ASAH2B: variants seen among roughly 807,000 people sequenced by gnomAD.
ASAH2B encodes N-acylsphingosine amidohydrolase 2B.
A neutral mutation model predicts 2.9 loss-of-function variants in ASAH2B; 1 was observed. The observed-to-expected ratio is 0.34, with a 90% confidence interval of 0.12 to 1.63. ASAH2B has a LOEUF of 1.63. Ranked by LOEUF, ASAH2B falls within the 40% of genes most tolerant of loss-of-function variation. The pLI is 0.36. For missense variants in ASAH2B, 9 were observed against 37.7 expected (o/e 0.24, Z 1.99); for synonymous variants, 4 against 13.3 (o/e 0.30, Z 1.52).
rs1310756424 is a variant in ASAH2B, at chr10:50,755,730, A to G, written c.*990A>G. The G allele has an allele frequency of 6.7e-6, 1 of 149,504 alleles. No homozygotes were observed. Among genetic ancestry groups the G allele is most frequent in the Non-Finnish European group, 1.5e-5 (1 of 66,922 alleles). 9.3% of individuals were successfully genotyped at this position (149,504 alleles called of 1,614,324 possible). A position where few individuals can be genotyped will look rare whatever the true frequency, so the allele number is the denominator to read the frequency against. ...CAATCATAGAATATTTAAGATTTAT[A>G]TGCCCAGAATTATAATAGTGCCTAG... On this transcript the variant is annotated 3_prime_UTR_variant, in exon 6 of 6. Coordinates refer to ENST00000647317, the MANE Select transcript of ASAH2B (RefSeq NM_001321958.2).
intron 1 of ASAH2B, among the ~76,000 whole-genome samples, chr10:50,741,271 T>C (rs1387526751): frequency 1.3e-5 from 2 of 152,218 alleles, no homozygotes; most frequent in Non-Finnish European, 2.9e-5. Context: ...AGGGATATAC[T>C]CCGGCAAGTA....
At chr10:50,744,047 A>G (rs1839871805) in intron 2 of ASAH2B, among the ~76,000 whole-genome samples, 1 of 150,866 alleles carries the variant, frequency 6.6e-6, no homozygotes, top group Non-Finnish European at 1.5e-5. Context: ...ATTTTATCAT[A>G]ATTTTGGTCT....
chr10:50,748,789 G>A (rs1171164995), intron 3 of ASAH2B, among the ~76,000 whole-genome samples: 1 of 150,720 alleles, frequency 6.6e-6, no homozygotes, highest in Non-Finnish European at 1.5e-5. Flanking sequence ...TGAGCTGGTG[G>A]ATTACAGGGT....
At chr10:50,746,512 T>C (rs1215923991) in intron 3 of ASAH2B, among the ~76,000 whole-genome samples, 2 of 150,530 alleles carry the variant, frequency 1.3e-5, no homozygotes, top group African/African-American at 5.0e-5. Context: ...TTTCTCTATA[T>C]ACCCAGAAAT....
intron 1 of ASAH2B, among the ~76,000 whole-genome samples, chr10:50,741,069 A>T (rs1839823328): frequency 6.6e-6 from 1 of 152,274 alleles, no homozygotes; most frequent in Admixed American, 6.5e-5. Context: ...GTTGATACCT[A>T]GGTCTGAGCT....
rs1837108659 is a variant in ASAH2B, at chr10:50,757,054, TTA to T, written c.*2315_*2316del. The T allele has an allele frequency of 6.6e-6, 1 of 151,692 alleles. No homozygotes were observed. Among genetic ancestry groups the T allele is most frequent in the South Asian group, 2.1e-4 (1 of 4,832 alleles). The allele number at this position is 151,692 out of a possible 1,614,324, so 9.4% of individuals were successfully genotyped here. A position where few individuals can be genotyped will look rare whatever the true frequency, so the allele number is the denominator to read the frequency against. On this transcript the variant is annotated 3_prime_UTR_variant, in exon 6 of 6. Coordinates refer to ENST00000647317, the MANE Select transcript of ASAH2B (RefSeq NM_001321958.2). ...TTGCTGTACCCTGCCTACTCTGGTT[TTA>T]AGGATTTTTTGACTTCTTCGAAAAG...
chr10:50,756,905 C>T lies in ASAH2B; in HGVS notation c.*2165C>T, dbSNP rs1133222. ...TGTGGATGCTGCAAGGACTGGCTCA[C>T]TGGAGCCAAACCATGTGGCGGAAAC... On this transcript the variant is annotated 3_prime_UTR_variant, in exon 6 of 6. Coordinates refer to ENST00000647317, the MANE Select transcript of ASAH2B (RefSeq NM_001321958.2). 0.65 allele frequency: 97,866 copies of T among 151,510 alleles called. 34,610 individuals carry two copies. The highest frequency in any genetic ancestry group is 0.9 in the East Asian group (4,649 of 5,144). The allele number at this position is 151,510 out of a possible 1,614,324, so 9.4% of individuals were successfully genotyped here. A position where few individuals can be genotyped will look rare whatever the true frequency, so the allele number is the denominator to read the frequency against.
chr10:50,747,238 G>T (rs1367385479), intron 3 of ASAH2B, among the ~76,000 whole-genome samples: 1 of 151,220 alleles, frequency 6.6e-6, no homozygotes, highest in Non-Finnish European at 1.5e-5. Flanking sequence ...TTATTGAAGA[G>T]ACTGTCACTT....
intron 5 of ASAH2B, among the ~76,000 whole-genome samples, chr10:50,754,156 T>TAA: frequency 6.8e-6 from 1 of 146,674 alleles, no homozygotes; most frequent in Non-Finnish European, 1.5e-5. Context: ...TATATATGTA[T>TAA]ACACACACAC....
At chr10:50,743,385 A>C (rs951555536) in intron 2 of ASAH2B, among the ~76,000 whole-genome samples, 1 of 150,544 alleles carries the variant, frequency 6.6e-6, no homozygotes, top group Non-Finnish European at 1.5e-5. Context: ...GTGTTTTCTA[A>C]TCCTTGCCAG....
chr10:50,748,438 A>C (rs1237880346), intron 3 of ASAH2B, among the ~76,000 whole-genome samples: 1 of 148,950 alleles, frequency 6.7e-6, no homozygotes, highest in Non-Finnish European at 1.5e-5. Flanking sequence ...ATCCCCTCAC[A>C]CACTAATGTA....
At chr10:50,747,174 T>A (rs1412084664) in intron 3 of ASAH2B, among the ~76,000 whole-genome samples, 1 of 150,906 alleles carries the variant, frequency 6.6e-6, no homozygotes, top group Non-Finnish European at 1.5e-5. Context: ...AATTTTGAGT[T>A]AATTTTTATA....
At position 50,759,192 on chromosome 10, in the gene ASAH2B, T is replaced by C. The variant is rs1837153713; in HGVS notation, c.*4452T>C. 1.3e-5 allele frequency: 1 copy of C among 74,112 alleles called. No homozygotes were observed. The highest frequency in any genetic ancestry group is 2.1e-4 in the Admixed American group (1 of 4,788). The allele number at this position is 74,112 out of a possible 1,614,324, so 4.6% of individuals were successfully genotyped here. On this transcript the variant is annotated 3_prime_UTR_variant, in exon 6 of 6. Coordinates refer to ENST00000647317, the MANE Select transcript of ASAH2B (RefSeq NM_001321958.2). The stretch of plus-strand genomic sequence containing the variant: ...GTATTAGCATTTTTCCCCCTTGACA[T>C]CAATGTCCTTGAATGTATTTGCCAT...
chr10:50,740,461 C>T (rs1164086181), intron 1 of ASAH2B, among the ~76,000 whole-genome samples: 2 of 152,180 alleles, frequency 1.3e-5, no homozygotes, highest in Non-Finnish European at 2.9e-5. Flanking sequence ...TATATAAAGA[C>T]TTTCTGTTTC....
chr10:50,754,122 A>C (rs1372976793), intron 5 of ASAH2B, among the ~76,000 whole-genome samples: 4 of 149,266 alleles, frequency 2.7e-5, no homozygotes, highest in Non-Finnish European at 5.9e-5. Context: ...ACATGTATTC[A>C]TTTTCTATAT....
intron 1 of ASAH2B, among the ~76,000 whole-genome samples, chr10:50,741,486 G>A (rs868397071): frequency 6.7e-4 from 102 of 152,316 alleles, no homozygotes; most frequent in Middle Eastern, 6.8e-3. Flanking sequence ...TAAAGAGAAA[G>A]AGCACCAGCC....
chr10:50,740,623 A>G (rs1316062133), intron 1 of ASAH2B, among the ~76,000 whole-genome samples: 2 of 152,210 alleles, frequency 1.3e-5, no homozygotes, highest in Non-Finnish European at 2.9e-5. Context: ...ATTCACTGGC[A>G]CAGTGGCTAG....
In ASAH2B at chr10:50,756,875, G is replaced by GT. The variant is rs546545862; in HGVS notation, c.*2136dup. 103 of 151,708 alleles carry GT rather than the reference G, an allele frequency of 6.8e-4. No individual in the cohort carries two copies. Among genetic ancestry groups the GT allele is most frequent in the African/African-American group, 2.5e-3 (102 of 41,478 alleles). The allele number at this position is 151,708 out of a possible 1,614,324, so 9.4% of individuals were successfully genotyped here. On this transcript the variant is annotated 3_prime_UTR_variant, in exon 6 of 6. Coordinates refer to ENST00000647317, the MANE Select transcript of ASAH2B (RefSeq NM_001321958.2). Reference sequence around the variant, plus strand: ...TGATATAAAAACACAGATCCAATTCGTGTCTGTGGATGCTGCAAGGACTGG... The same window carrying GT: ...TGATATAAAAACACAGATCCAATTCGTTGTCTGTGGATGCTGCAAGGACTGG...
At chr10:50,744,454 TTAAATC>T (rs1396613758) in intron 2 of ASAH2B, among the ~76,000 whole-genome samples, 1 of 151,674 alleles carries the variant, frequency 6.6e-6, no homozygotes, top group Non-Finnish European at 1.5e-5. Context: ...GTTGTAAAGA[TTAAATC>T]TATAATGTGA....
Sources: allele counts gnomAD v4.1 joint callset (sites outside exome capture counted in the v4.1 genomes callset), GRCh38; gene constraint gnomAD v4.1.1; transcripts MANE v1.5; gene names NCBI Gene and HGNC (gene_info 2026-07-23, HGNC 2026-07-21).